GLCCI1: variants seen among roughly 807,000 people sequenced by gnomAD.
GLCCI1 encodes the protein glucocorticoid-induced transcript 1 protein.
Under a neutral mutation model 52.2 loss-of-function variants are expected in GLCCI1, and 24 were observed. The ratio of observed to expected loss-of-function variants is 0.46; its 90% CI spans 0.33 to 0.65. The LOEUF (loss-of-function observed/expected upper bound fraction) is 0.65. Ranked by LOEUF, GLCCI1 falls within the 30% of genes least tolerant of loss-of-function variation. The pLI is 0.02. For synonymous variants in GLCCI1, 310 were observed against 276.5 expected, an observed-to-expected ratio of 1.12 and a Z score of -1.20; for missense variants, 704 against 701.5, an observed-to-expected ratio of 1.00 and a Z score of -0.04.
At chr7:8,025,975 A>G (rs1781611208) in intron 3 of GLCCI1, among the ~76,000 whole-genome samples, 1 of 152,238 alleles carries the variant, frequency 6.6e-6, no homozygotes, top group South Asian at 2.1e-4. Context: ...CTTCAGGCTG[A>G]AAGGAAGTAA....
chr7:7,980,804 G>C lies in GLCCI1; in HGVS notation c.457+10997G>C, dbSNP rs140861266. 1.6e-3 allele frequency: 1,073 copies of C among 691,274 alleles called. 10 individuals carry two copies. The highest frequency in any genetic ancestry group is 1.5e-3 in the Admixed American group (74 of 49,120). The allele number at this position is 691,274 out of a possible 1,614,324, so 42.8% of individuals were successfully genotyped here. A position where few individuals can be genotyped will look rare whatever the true frequency, so the allele number is the denominator to read the frequency against. ...TGACAGAAGGCATTGACATAATTAA[G>C]AAAATAAATGAGACCTTTGTTGACA... is the stretch of plus-strand genomic sequence containing the variant. On this transcript the variant is annotated intron_variant, in intron 1 of 7. Transcript: ENST00000223145.
At chr7:7,997,620 T>G (rs1286798760) in intron 1 of GLCCI1, among the ~76,000 whole-genome samples, 1 of 152,068 alleles carries the variant, frequency 6.6e-6, no homozygotes, top group Non-Finnish European at 1.5e-5. Flanking sequence ...CCTGTTAAAA[T>G]AAAGGTTTTA....
intron 3 of GLCCI1, among the ~76,000 whole-genome samples, chr7:8,045,974 A>AC (rs1554261972): frequency 6.6e-6 from 1 of 152,002 alleles, no homozygotes; most frequent in Non-Finnish European, 1.5e-5. Context: ...AAAAAAAAAA[A>AC]ACCTTATAAA....
At chr7:8,078,232 G>T (rs1023330044) in intron 6 of GLCCI1, among the ~76,000 whole-genome samples, 35 of 111,568 alleles carry the variant, frequency 3.1e-4, no homozygotes, top group African/African-American at 1.0e-3. Flanking sequence ...AAAAAAAAAG[G>T]CCACTATTTC....
chr7:8,005,700 G>A (rs1180557419), intron 2 of GLCCI1, among the ~76,000 whole-genome samples: 3 of 152,104 alleles, frequency 2.0e-5, no homozygotes, highest in African/African-American at 7.2e-5. Context: ...CTAAAAAATG[G>A]TAGCTATTCT....
intron 1 of GLCCI1, among the ~76,000 whole-genome samples, chr7:7,970,748 AT>A (rs1323449623): frequency 6.6e-6 from 1 of 152,180 alleles, no homozygotes; most frequent in Non-Finnish European, 1.5e-5. Flanking sequence ...GAAAAGGAAG[AT>A]TAGCCAAAAC....
At chr7:8,050,131 T>G (rs1782225068) in intron 3 of GLCCI1, among the ~76,000 whole-genome samples, 1 of 152,180 alleles carries the variant, frequency 6.6e-6, no homozygotes, top group Non-Finnish European at 1.5e-5. Flanking sequence ...TGGGTTTATG[T>G]GAAGTCTGCA....
In GLCCI1 at chr7:7,992,097, T is replaced by TTCTTTCTG. The variant is rs1195257351; in HGVS notation, c.458-11808_458-11807insTTCTGTCT. Among the ~76,000 whole-genome samples, 62 of 121,274 alleles carry TTCTTTCTG rather than the reference T, an allele frequency of 5.1e-4. 1 individual carries two copies. The East Asian group carries it at 0.011, about 21-fold the overall frequency. The allele number at this position is 121,274 out of a possible 152,430, so 79.6% of individuals were successfully genotyped here. On this transcript the variant is annotated intron_variant, in intron 1 of 7. Transcript: ENST00000223145. ...TTTCTTTCTTTCTTTCTTTCTTTCT[T>TTCTTTCTG]TCTGTCTGTTTCTCTCTCTCTCTCT...
At position 8,088,105 on chromosome 7, in the gene GLCCI1, G is replaced by T. The variant is rs1162481343; in HGVS notation, c.*1567G>T. Reference sequence around the variant, plus strand: ...GGGAACCAGGTGCCTACAGTTAAAGGAACGTTTCAGTTCCTTTCATTCATT... The same window carrying T: ...GGGAACCAGGTGCCTACAGTTAAAGTAACGTTTCAGTTCCTTTCATTCATT... On this transcript the variant is annotated 3_prime_UTR_variant, in exon 8 of 8. Coordinates refer to ENST00000223145, the MANE Select transcript of GLCCI1 (RefSeq NM_138426.4). 1 of 152,116 alleles carries T rather than the reference G, an allele frequency of 6.6e-6. No homozygotes were observed. The highest frequency in any genetic ancestry group is 1.5e-5 in the Non-Finnish European group (1 of 68,018). The allele number at this position is 152,116 out of a possible 1,614,324, so 9.4% of individuals were successfully genotyped here. A position where few individuals can be genotyped will look rare whatever the true frequency, so the allele number is the denominator to read the frequency against.
chr7:7,979,813 A>G (rs1013217451), intron 1 of GLCCI1, among the ~76,000 whole-genome samples: 1 of 152,240 alleles, frequency 6.6e-6, no homozygotes, highest in African/African-American at 2.4e-5. Context: ...AATATCTGCT[A>G]TTGCTGAGCT....
chr7:8,039,612 A>G (rs140738274), intron 3 of GLCCI1, among the ~76,000 whole-genome samples: 36 of 152,332 alleles, frequency 2.4e-4, no homozygotes, highest in Admixed American at 9.1e-4. Flanking sequence ...AGAGTAGAAT[A>G]ATAGACATTG....
chr7:8,075,085 A>C (rs1782848651), intron 6 of GLCCI1, among the ~76,000 whole-genome samples: 1 of 152,198 alleles, frequency 6.6e-6, no homozygotes, highest in Middle Eastern at 3.2e-3. Context: ...TGTGTTCCTA[A>C]CATCTATTCG....
intron 1 of GLCCI1, among the ~76,000 whole-genome samples, chr7:7,973,259 TCTTTAAGCTAA>T (rs1285150936): frequency 1.3e-5 from 2 of 152,198 alleles, no homozygotes; most frequent in Non-Finnish European, 2.9e-5. Flanking sequence ...AAATTAATGA[TCTTTAAGCTAA>T]AATCATTAGT....
At chr7:7,981,835 C>A (rs747074435) in intron 1 of GLCCI1, 140 of 428,282 alleles carry the variant, frequency 3.3e-4, no homozygotes, top group Non-Finnish European at 5.7e-4. Context: ...AAATAGGAGG[C>A]AAAATATAAT....
At chr7:8,027,822 G>C (rs1430865981) in intron 3 of GLCCI1, among the ~76,000 whole-genome samples, 1 of 152,184 alleles carries the variant, frequency 6.6e-6, no homozygotes, top group Non-Finnish European at 1.5e-5. Flanking sequence ...GAGTTGCTAT[G>C]CTTATGTCAG....
chr7:8,072,552 C>T (rs372953749), intron 6 of GLCCI1, among the ~76,000 whole-genome samples: 1 of 152,122 alleles, frequency 6.6e-6, no homozygotes, highest in African/African-American at 2.4e-5. Context: ...TTCCTCACAA[C>T]CTTTTAATGT....
At position 8,071,622 on chromosome 7, in the gene GLCCI1, G is replaced by A. The variant is rs1487464004; in HGVS notation, c.1177+491G>A. ...ATCAGGGATTTTATTACAGTATGTA[G>A]ATAAATTATTAACTGTTGAGAACAT... On this transcript the variant is annotated intron_variant, in intron 6 of 7. Transcript: ENST00000223145. 4.6e-5 allele frequency among the ~76,000 whole-genome samples: 7 copies of A among 152,282 alleles called. No individual in the cohort carries two copies. In the South Asian group the frequency reaches 6.2e-4, roughly 14 times the overall value.
At chr7:7,981,997 T>C (rs1780631903) in intron 1 of GLCCI1, 1 of 420,750 alleles carries the variant, frequency 2.4e-6, no homozygotes, top group Non-Finnish European at 4.7e-6. Flanking sequence ...TATGAGAAAG[T>C]TTGGAGTTTG....
chr7:7,973,406 T>TGTGCGTGTG (rs1780395064), intron 1 of GLCCI1, among the ~76,000 whole-genome samples: 1 of 83,894 alleles, frequency 1.2e-5, no homozygotes, highest in Non-Finnish European at 2.7e-5. Context: ...ATGCAAATCT[T>TGTGCGTGTG]TGTGTGCGTG....
Sources: gnomAD v4.1 joint callset for allele counts (sites outside exome capture counted in the v4.1 genomes callset) on GRCh38, gnomAD v4.1.1 for gene constraint, MANE v1.5 for transcripts, NCBI Gene and HGNC (gene_info 2026-07-23, HGNC 2026-07-21) for gene names.